Variants in UBA6 observed in about 807,000 individuals in gnomAD.
UBA6 encodes the protein ubiquitin like modifier activating enzyme 6, also known as ubiquitin-like modifier-activating enzyme 6.
UBA6 carries 87 observed loss-of-function variants against 148.3 expected under a neutral mutation model. The ratio of observed to expected loss-of-function variants is 0.59; its 90% CI spans 0.49 to 0.70. The LOEUF is 0.70. UBA6 is among the 30% of genes least tolerant of loss of function. UBA6 has a pLI of 0.00. For synonymous variants in UBA6, 376 were observed against 401.0 expected (o/e 0.94, Z 0.75); for missense variants, 1,186 against 1,241.2 (o/e 0.96, Z 0.67).
intron 27 of UBA6, among the ~76,000 whole-genome samples, chr4:67,627,718 C>T (rs1247271458): frequency 2.0e-5 from 3 of 150,340 alleles, no homozygotes; most frequent in Non-Finnish European, 4.4e-5. Context: ...AAAATAAAAA[C>T]GCAGAACGAA....
chr4:67,615,897 G>A lies in UBA6; in HGVS notation c.*3100C>T, dbSNP rs1418148848. 6.2e-6 allele frequency: 2 copies of A among 321,592 alleles called. No individual in the cohort carries two copies. Among genetic ancestry groups the A allele is most frequent in the Non-Finnish European group, 1.1e-5 (2 of 177,296 alleles). 19.9% of individuals were successfully genotyped at this position (321,592 alleles called of 1,614,324 possible). ...GGTAATTACCAAAGGGTACGTGGCA[G>A]GGAGCTGGTTGTGACTGGGAAGGAA... On this transcript the variant is annotated 3_prime_UTR_variant, in exon 33 of 33. Coordinates refer to ENST00000322244, the MANE Select transcript of UBA6 (RefSeq NM_018227.6).
intron 27 of UBA6, among the ~76,000 whole-genome samples, chr4:67,627,072 A>G (rs1456040487): frequency 1.3e-5 from 2 of 151,948 alleles, no homozygotes; most frequent in Non-Finnish European, 2.9e-5. Flanking sequence ...GTTTGGTAGG[A>G]TTAAGGGAGT....
chr4:67,654,541 A>C (rs147398707), intron 13 of UBA6, among the ~76,000 whole-genome samples: 1,859 of 152,296 alleles, frequency 0.012, 24 homozygotes, highest in Non-Finnish European at 0.021. Flanking sequence ...AAGGAGGCAC[A>C]AACATGGAAA....
intron 13 of UBA6, among the ~76,000 whole-genome samples, chr4:67,655,642 C>G (rs1167890506): frequency 6.6e-6 from 1 of 151,920 alleles, no homozygotes; most frequent in Non-Finnish European, 1.5e-5. Flanking sequence ...AGAGAAGCAA[C>G]AGCAAACAAA....
chr4:67,700,986 G>A, intron 1 of UBA6, 63 bp downstream of exon 1: 1 of 1,593,986 alleles, frequency 6.3e-7, no homozygotes, highest in Admixed American at 1.7e-5. Flanking sequence ...AAAGAAAGAA[G>A]CAGAAACCCG....
chr4:67,691,066 A>G (rs1730682932), intron 2 of UBA6, among the ~76,000 whole-genome samples: 1 of 152,148 alleles, frequency 6.6e-6, no homozygotes. Flanking sequence ...TGGGTTTCAA[A>G]CACACAGGTC....
intron 2 of UBA6, among the ~76,000 whole-genome samples, chr4:67,685,536 T>C (rs760200025): frequency 1.3e-5 from 2 of 152,162 alleles, no homozygotes; most frequent in African/African-American, 4.8e-5. Flanking sequence ...TAAAAGTATT[T>C]TGCATTATGA....
chr4:67,692,878 G>A (rs995200072), intron 2 of UBA6, among the ~76,000 whole-genome samples: 11 of 152,154 alleles, frequency 7.2e-5, no homozygotes, highest in Non-Finnish European at 1.6e-4. Flanking sequence ...AGATGCTATC[G>A]TTGTTACTGA....
intron 2 of UBA6, among the ~76,000 whole-genome samples, chr4:67,693,707 T>G (rs1730753367): frequency 6.6e-6 from 1 of 152,178 alleles, no homozygotes; most frequent in Non-Finnish European, 1.5e-5. Context: ...TGGTCGGAAC[T>G]GTGGCTGTGT....
intron 19 of UBA6, among the ~76,000 whole-genome samples, 195 bp from the exon 20 acceptor site, chr4:67,635,753 A>T (rs13151509): frequency 2.2e-5 from 2 of 91,440 alleles, no homozygotes; most frequent in Admixed American, 1.1e-4. Flanking sequence ...ATATACATCT[A>T]GTAGTACCCT....
Position 67,687,034 on chromosome 4 carries a change from G to GTTTT in UBA6, c.135-4825_135-4822dup, listed in dbSNP as rs71219066. Among the ~76,000 whole-genome samples the GTTTT allele has an allele frequency of 1.2e-4, 10 of 82,520 alleles. 1 individual carries two copies. The highest frequency in any genetic ancestry group is 3.1e-4 in the Admixed American group (2 of 6,478). 54.1% of individuals were successfully genotyped at this position (82,520 alleles called of 152,430 possible). On this transcript the variant is annotated intron_variant, in intron 2 of 32. Coordinates refer to ENST00000322244, the MANE Select transcript of UBA6 (RefSeq NM_018227.6). ...TTTTACATAAAATCTTTAAGACTAT[G>GTTTT]TTTTTTTTTTTTTTTTTTTGAGACA...
chr4:67,632,133 C>A (rs969949690), intron 23 of UBA6, among the ~76,000 whole-genome samples: 8 of 152,144 alleles, frequency 5.3e-5, no homozygotes, highest in African/African-American at 1.7e-4. Flanking sequence ...CATTTTCTAT[C>A]ACTATTTGTA....
At chr4:67,648,054 T>C (rs1247191386) in intron 14 of UBA6, among the ~76,000 whole-genome samples, 1 of 151,890 alleles carries the variant, frequency 6.6e-6, no homozygotes, top group Non-Finnish European at 1.5e-5. Flanking sequence ...ATTACAGGCA[T>C]GAGCCACTGC....
intron 27 of UBA6, among the ~76,000 whole-genome samples, chr4:67,627,121 T>C (rs1287462479): frequency 6.6e-6 from 1 of 151,964 alleles, no homozygotes; most frequent in Non-Finnish European, 1.5e-5. Flanking sequence ...AATTACTTAT[T>C]AGATATTCCC....
intron 13 of UBA6, among the ~76,000 whole-genome samples, chr4:67,652,122 G>A (rs1036116315): frequency 6.6e-6 from 1 of 152,012 alleles, no homozygotes; most frequent in African/African-American, 2.4e-5. Context: ...AGACAAAAAA[G>A]CACAAACCAC....
At position 67,678,453 on chromosome 4, in the gene UBA6, A is replaced by G; in HGVS notation, c.339T>C (p.Val113=). The part of the protein sequence containing the change: ...TNFFLSEDDV[V]NKRNRAEAVL... Reference sequence around the variant, plus strand: ...AATATCTTTACCTGTTTCTCTTATTAACAACATCATCTTCACTGAGAAAGA... The same window carrying G: ...AATATCTTTACCTGTTTCTCTTATTGACAACATCATCTTCACTGAGAAAGA... The change falls in exon 5 of 33, where the codon GTT becomes GTC. Residue 113 remains valine, a synonymous_variant. Transcript: ENST00000322244. 1 of 1,594,688 alleles carries G rather than the reference A, an allele frequency of 6.3e-7. No individual in the cohort carries two copies. Among genetic ancestry groups the G allele is most frequent in the Non-Finnish European group, 8.6e-7 (1 of 1,169,114 alleles).
rs1369439130 is a variant in UBA6 at position 67,614,330 on chromosome 4, G to A, written c.*4667C>T. 6.6e-6 allele frequency: 1 copy of A among 152,178 alleles called. No homozygotes were observed. The highest frequency in any genetic ancestry group is 2.4e-5 in the African/African-American group (1 of 41,430). 9.4% of individuals were successfully genotyped at this position (152,178 alleles called of 1,614,324 possible). ...AAACCAAGATGTACTCTGACCACCT[G>A]GGGCACATGTTCTCTGGACCTCCTG... On this transcript the variant is annotated 3_prime_UTR_variant, in exon 33 of 33. Coordinates refer to ENST00000322244, the MANE Select transcript of UBA6 (RefSeq NM_018227.6).
chr4:67,701,083 C>T lies in UBA6; in HGVS notation c.37G>A (p.Glu13Lys). The part of the protein sequence containing the change: ...GSEPVAAHQG[E>K]EASCSSWGTG... ...CCCCAGGAAGAACAGGACGCCTCTTCCCCCTGATGGGCGGCCACAGGCTCG... is the reference window on the plus strand; with the variant it reads ...CCCCAGGAAGAACAGGACGCCTCTTTCCCCTGATGGGCGGCCACAGGCTCG... Residue 13 changes from glutamate (E) to lysine (K), a missense_variant, in exon 1 of 33, where the codon GAA becomes AAA. Coordinates refer to ENST00000322244, the MANE Select transcript of UBA6 (RefSeq NM_018227.6). The T allele has an allele frequency of 6.2e-7, 1 of 1,613,796 alleles. No homozygotes were observed. Among genetic ancestry groups the T allele is most frequent in the Non-Finnish European group, 8.5e-7 (1 of 1,179,814 alleles).
intron 2 of UBA6, among the ~76,000 whole-genome samples, chr4:67,687,034 GTTTTTT>G (rs71219066): frequency 1.2e-5 from 1 of 82,520 alleles, no homozygotes; most frequent in African/African-American, 4.7e-5. Flanking sequence ...TTAAGACTAT[GTTTTTT>G]TTTTTTTTTT....
Sources: gnomAD v4.1 joint callset for allele counts (sites outside exome capture counted in the v4.1 genomes callset) on GRCh38, gnomAD v4.1.1 for gene constraint, MANE v1.5 for transcripts, NCBI Gene and HGNC (gene_info 2026-07-23, HGNC 2026-07-21) for gene names.